DIAPH3: variants seen among roughly 807,000 people sequenced by gnomAD.
DIAPH3 encodes the protein diaphanous related formin 3, also known as protein diaphanous homolog 3.
A neutral mutation model predicts 144.3 loss-of-function variants in DIAPH3; 117 were observed. That is an observed-to-expected ratio of 0.81 (90% CI 0.70 to 0.95). DIAPH3 has a LOEUF of 0.95. Among genes scored for constraint, DIAPH3 ranks in the 40% least tolerant of loss-of-function variants. The pLI, the probability that DIAPH3 is intolerant of heterozygous loss-of-function variation, is 0.00. For missense variants in DIAPH3, 1,421 were observed against 1,412.7 expected (o/e 1.01, Z -0.09); for synonymous variants, 519 against 488.9 (o/e 1.06, Z -0.81).
chr13:60,100,264 T>C (rs1202175413), intron 3 of DIAPH3, among the ~76,000 whole-genome samples: 4 of 152,154 alleles, frequency 2.6e-5, no homozygotes, highest in African/African-American at 4.8e-5. Context: ...ATGAGAAGGC[T>C]GATCACCTCT....
intron 17 of DIAPH3, among the ~76,000 whole-genome samples, chr13:59,949,624 G>T (rs1248446565): frequency 6.6e-6 from 1 of 152,158 alleles, no homozygotes; most frequent in Non-Finnish European, 1.5e-5. Context: ...GTCTGTGGCT[G>T]CTTTCACACT....
chr13:59,923,634 A>G (rs1468287961), intron 18 of DIAPH3, among the ~76,000 whole-genome samples: 2 of 152,144 alleles, frequency 1.3e-5, no homozygotes, highest in African/African-American at 4.8e-5. Flanking sequence ...CACCCCAAAA[A>G]GTGACATTAA....
intron 25 of DIAPH3, among the ~76,000 whole-genome samples, chr13:59,805,763 G>A (rs147291975): frequency 6.6e-6 from 1 of 152,036 alleles, no homozygotes. Flanking sequence ...TGCTTTCTTA[G>A]TTTGGTTGCT....
chr13:59,970,802 A>G, intron 16 of DIAPH3, 50 bp downstream of exon 16: 1 of 1,515,004 alleles, frequency 6.6e-7, no homozygotes. Flanking sequence ...TAAATCCAAA[A>G]TTAGATTTAG....
chr13:59,707,331 G>A (rs1391931416), intron 27 of DIAPH3, among the ~76,000 whole-genome samples: 1 of 152,130 alleles, frequency 6.6e-6, no homozygotes, highest in Admixed American at 6.5e-5. Flanking sequence ...GTAGTACGCT[G>A]GCACCTGGTT....
intron 24 of DIAPH3, among the ~76,000 whole-genome samples, chr13:59,814,741 C>T (rs933595303): frequency 6.6e-6 from 1 of 152,174 alleles, no homozygotes; most frequent in Non-Finnish European, 1.5e-5. Flanking sequence ...ATTTAGTCAG[C>T]TGGCAAATAA....
In DIAPH3 at chr13:59,861,397, AG is replaced by A; in HGVS notation, c.2737+9del. Reference sequence around the variant, plus strand: ...CAGAGCCATGAAATGTTTCTTAAAAAGGCACAAACCTTTACTAGCTTTGTCT... The same window carrying A: ...CAGAGCCATGAAATGTTTCTTAAAAAGCACAAACCTTTACTAGCTTTGTCT... On this transcript the variant is annotated intron_variant, in intron 22 of 27. Coordinates refer to ENST00000400324, the MANE Select transcript of DIAPH3 (RefSeq NM_001042517.2). 4 of 1,613,680 alleles carry A rather than the reference AG, an allele frequency of 2.5e-6. No individual in the cohort carries two copies. The highest frequency in any genetic ancestry group is 3.4e-6 in the Non-Finnish European group (4 of 1,179,872).
chr13:60,078,890 G>A (rs1266610907), intron 4 of DIAPH3, among the ~76,000 whole-genome samples: 6 of 151,888 alleles, frequency 4.0e-5, no homozygotes, highest in Admixed American at 3.9e-4. Flanking sequence ...GTTAAACTGG[G>A]AGGTTCTACT....
chr13:59,949,353 T>C (rs1253702174), intron 17 of DIAPH3, among the ~76,000 whole-genome samples: 1 of 152,146 alleles, frequency 6.6e-6, no homozygotes, highest in East Asian at 1.9e-4. Context: ...GTCACAAATA[T>C]CTGGGAGAGG....
chr13:59,980,167 G>A (rs1012029075), intron 14 of DIAPH3, among the ~76,000 whole-genome samples: 1 of 151,590 alleles, frequency 6.6e-6, no homozygotes, highest in African/African-American at 2.4e-5. Flanking sequence ...AAATACTACT[G>A]AGTTGAAACA....
intron 21 of DIAPH3, among the ~76,000 whole-genome samples, chr13:59,874,170 G>A (rs1799584687): frequency 6.6e-6 from 1 of 152,140 alleles, no homozygotes; most frequent in Admixed American, 6.5e-5. Context: ...CTAGGAAGTA[G>A]CTTTAAAAAT....
At chr13:60,001,451 T>C (rs1039099213) in intron 9 of DIAPH3, among the ~76,000 whole-genome samples, 1 of 152,224 alleles carries the variant, frequency 6.6e-6, no homozygotes, top group Non-Finnish European at 1.5e-5. Context: ...ACTGACTGTC[T>C]TCAGACAGTC....
intron 5 of DIAPH3, among the ~76,000 whole-genome samples, chr13:60,030,669 T>G (rs2054721331): frequency 6.6e-6 from 1 of 152,152 alleles, no homozygotes; most frequent in Non-Finnish European, 1.5e-5. Context: ...GCCACACATA[T>G]AGACTCAAGA....
chr13:59,671,483 AT>A (rs2032374758), intron 27 of DIAPH3, among the ~76,000 whole-genome samples: 1 of 152,194 alleles, frequency 6.6e-6, no homozygotes, highest in Non-Finnish European at 1.5e-5. Context: ...TATTTTACAA[AT>A]TGAATCCTAG....
chr13:59,955,139 T>C (rs2049325444), intron 17 of DIAPH3, among the ~76,000 whole-genome samples: 1 of 151,802 alleles, frequency 6.6e-6, no homozygotes, highest in African/African-American at 2.4e-5. Context: ...TGTATTTGTA[T>C]TTGTACATAT....
intron 4 of DIAPH3, among the ~76,000 whole-genome samples, chr13:60,058,732 GA>G (rs1228404435): frequency 1.3e-5 from 2 of 151,864 alleles, no homozygotes; most frequent in African/African-American, 4.8e-5. Context: ...TATAAAAAAA[GA>G]ACAAAATCAT....
intron 4 of DIAPH3, among the ~76,000 whole-genome samples, chr13:60,076,650 C>A (rs1252372267): frequency 6.6e-6 from 1 of 152,086 alleles, no homozygotes; most frequent in East Asian, 1.9e-4. Flanking sequence ...TTTCTTTCCT[C>A]ATAATGTCTT....
At chr13:59,933,197 C>T (rs1348566147) in intron 17 of DIAPH3, among the ~76,000 whole-genome samples, 1 of 152,206 alleles carries the variant, frequency 6.6e-6, no homozygotes, top group African/African-American at 2.4e-5. Context: ...AGGGCAGGGT[C>T]CTCTGTCTGG....
intron 5 of DIAPH3, among the ~76,000 whole-genome samples, chr13:60,025,732 C>T (rs1247297303): frequency 6.6e-6 from 1 of 151,582 alleles, no homozygotes; most frequent in African/African-American, 2.4e-5. Flanking sequence ...AGAATTAAAA[C>T]AGAAAAGGGG....
Sources: allele counts gnomAD v4.1 joint callset (sites outside exome capture counted in the v4.1 genomes callset), GRCh38; gene constraint gnomAD v4.1.1; transcripts MANE v1.5; gene names NCBI Gene and HGNC (gene_info 2026-07-23, HGNC 2026-07-21).